The following HOMER2 variants were observed in gnomAD, a reference collection of about 807,000 sequenced individuals.
HOMER2 encodes the protein homer scaffold protein 2, also known as homer protein homolog 2.
A neutral mutation model predicts 47.0 loss-of-function variants in HOMER2; 27 were observed. The ratio of observed to expected loss-of-function variants is 0.57; its 90% CI spans 0.42 to 0.79. The LOEUF is 0.79. Among genes scored for constraint, HOMER2 ranks in the 30% least tolerant of loss-of-function variants. The pLI is 0.00. For missense variants in HOMER2, 443 were observed against 435.0 expected (o/e 1.02, Z -0.16); for synonymous variants, 161 against 163.8 (o/e 0.98, Z 0.13).
chr15:82,853,392 A>G (rs2051462216), intron 6 of HOMER2, among the ~76,000 whole-genome samples: 1 of 152,232 alleles, frequency 6.6e-6, no homozygotes, highest in Admixed American at 6.5e-5. Flanking sequence ...GAACGTGCAA[A>G]GTCAGCAATT....
chr15:82,882,607 T>C lies in HOMER2; in HGVS notation c.163-7203A>G, dbSNP rs538618517. Among the ~76,000 whole-genome samples, 14 of 152,358 alleles carry C rather than the reference T, an allele frequency of 9.2e-5. No homozygotes were observed. The South Asian group carries it at 2.9e-3, about 32-fold the overall frequency. The stretch of plus-strand genomic sequence containing the variant: ...GTGTTTTAAGAATAAAGAACAGGTC[T>C]GAGTACAGATCTTCCTGAGATGAGT... On this transcript the variant is annotated intron_variant, in intron 2 of 8. Transcript: ENST00000450735.
upstream of HOMER2, among the ~76,000 whole-genome samples, chr15:82,953,747 G>C (rs1198003500): frequency 1.3e-5 from 2 of 152,184 alleles, no homozygotes; most frequent in African/African-American, 4.8e-5. Flanking sequence ...GCCGGGCGTG[G>C]AGACAGGCGC....
intron 2 of HOMER2, among the ~76,000 whole-genome samples, chr15:82,891,201 C>T (rs1007115357): frequency 2.0e-5 from 3 of 152,224 alleles, no homozygotes; most frequent in South Asian, 2.1e-4. Context: ...TGCTCCAACC[C>T]AACAAACCAG....
exon 2 of HOMER2, chr15:82,838,625 T>C (rs17358518): frequency 0.094 from 14,294 of 152,266 alleles, 945 homozygotes; most frequent in Non-Finnish European, 0.14. Context: ...GATGGAGGCA[T>C]GAGGTATCCA....
At chr15:82,951,951 G>C (rs1325883311) in intron 1 of HOMER2, 1 of 551,078 alleles carries the variant, frequency 1.8e-6, no homozygotes, top group African/African-American at 2.1e-5. Flanking sequence ...CACTTCGACA[G>C]AGTATTTCAA....
At chr15:82,857,332 G>A (rs890852114) in intron 5 of HOMER2, among the ~76,000 whole-genome samples, 2 of 150,720 alleles carry the variant, frequency 1.3e-5, no homozygotes, top group Non-Finnish European at 3.0e-5. Context: ...CTCCAGAACT[G>A]TGAGAAGTAA....
intron 1 of HOMER2, among the ~76,000 whole-genome samples, chr15:82,906,580 G>A (rs180838663): frequency 2.4e-4 from 36 of 152,150 alleles, no homozygotes; most frequent in Admixed American, 2.2e-3. Flanking sequence ...TTACAGGCAT[G>A]GGCCACCATG....
chr15:82,863,932 C>T (rs2151633815), intron 4 of HOMER2, among the ~76,000 whole-genome samples: 1 of 152,286 alleles, frequency 6.6e-6, no homozygotes, highest in South Asian at 2.1e-4. Flanking sequence ...CTCTCCTGGG[C>T]CAGGATGTGT....
upstream of HOMER2, among the ~76,000 whole-genome samples, chr15:82,956,735 A>C (rs1447572387): frequency 6.6e-6 from 1 of 152,222 alleles, no homozygotes; most frequent in Non-Finnish European, 1.5e-5. Flanking sequence ...AAATAATCTG[A>C]ATTACAGCTG....
At chr15:82,929,089 A>G (rs983079624) in intron 1 of HOMER2, among the ~76,000 whole-genome samples, 1 of 152,120 alleles carries the variant, frequency 6.6e-6, no homozygotes, top group Non-Finnish European at 1.5e-5. Flanking sequence ...TGGGGAGCTT[A>G]CAACCCTGCT....
chr15:82,899,993 G>T (rs2053058791), intron 1 of HOMER2, among the ~76,000 whole-genome samples: 1 of 152,114 alleles, frequency 6.6e-6, no homozygotes, highest in African/African-American at 2.4e-5. Context: ...CCGCACTTCA[G>T]CCTGGGCAAC....
chr15:82,956,056 A>G (rs2054584789), upstream of HOMER2, among the ~76,000 whole-genome samples: 1 of 152,080 alleles, frequency 6.6e-6, no homozygotes, highest in South Asian at 2.1e-4. Context: ...CCTGGCCAAC[A>G]TGGCAAAACC....
At chr15:82,952,994 G>A (rs901711019), upstream of HOMER2, among the ~76,000 whole-genome samples, 6 of 152,304 alleles carry the variant, frequency 3.9e-5, no homozygotes, top group Admixed American at 1.3e-4. Flanking sequence ...TCAACATCCT[G>A]CCTGATGGAC....
intron 1 of HOMER2, among the ~76,000 whole-genome samples, chr15:82,893,563 C>T (rs565073830): frequency 6.6e-6 from 1 of 151,178 alleles, no homozygotes; most frequent in South Asian, 2.1e-4. Context: ...GAACTCCTGA[C>T]CTTGTGATCC....
intron 5 of HOMER2, among the ~76,000 whole-genome samples, chr15:82,855,225 C>A (rs1270689443): frequency 7.1e-6 from 1 of 140,570 alleles, no homozygotes; most frequent in Non-Finnish European, 1.5e-5. Context: ...ACTCAGGAGG[C>A]TGAGGCAGAA....
In HOMER2 at chr15:82,946,509, T is replaced by C. The variant is rs374689720; in HGVS notation, c.5+6022A>G. Among the ~76,000 whole-genome samples, 12 of 152,268 alleles carry C rather than the reference T, an allele frequency of 7.9e-5. No individual in the cohort carries two copies. The East Asian group carries it at 2.3e-3, about 29-fold the overall frequency. ...GCCTTTACACCTGCTGTTCGCACTATTCACACTGCCAGGAACACTTCCCTC... is the reference window on the plus strand; with the variant it reads ...GCCTTTACACCTGCTGTTCGCACTACTCACACTGCCAGGAACACTTCCCTC... On this transcript the variant is annotated intron_variant, in intron 1 of 8. Coordinates refer to ENST00000450735, the MANE Select transcript of HOMER2 (RefSeq NM_004839.4).
intron 1 of HOMER2, among the ~76,000 whole-genome samples, chr15:82,969,603 A>G (rs1447051951): frequency 6.6e-6 from 1 of 152,204 alleles, no homozygotes; most frequent in Non-Finnish European, 1.5e-5. Context: ...TCACTTCTGC[A>G]TTTTAGAGAT....
intron 6 of HOMER2, 89 bp downstream of exon 6, chr15:82,854,555 T>C: frequency 1.4e-6 from 2 of 1,397,188 alleles, no homozygotes; most frequent in Non-Finnish European, 9.7e-7. Flanking sequence ...AGGGCAAAGT[T>C]GGGGAGGGAG....
chr15:82,917,015 T>A (rs1010427985), intron 1 of HOMER2, among the ~76,000 whole-genome samples: 1 of 152,150 alleles, frequency 6.6e-6, no homozygotes, highest in African/African-American at 2.4e-5. Flanking sequence ...TTGGCCAGGA[T>A]GGCCTCGATC....
Sources: allele counts gnomAD v4.1 joint callset (sites outside exome capture counted in the v4.1 genomes callset), GRCh38; gene constraint gnomAD v4.1.1; transcripts MANE v1.5; gene names NCBI Gene and HGNC (gene_info 2026-07-23, HGNC 2026-07-21).